The following GLIS3 variants were observed in gnomAD, a reference collection of about 807,000 sequenced individuals.
GLIS3 encodes the protein GLIS family zinc finger 3, also known as zinc finger protein GLIS3.
A neutral mutation model predicts 78.6 loss-of-function variants in GLIS3; 53 were observed. That is an observed-to-expected ratio of 0.67 (90% CI 0.54 to 0.85). The LOEUF is 0.85. GLIS3 is among the 40% of genes least tolerant of loss of function. GLIS3 has a pLI of 0.00. For missense variants in GLIS3, 1,703 were observed against 1,231.1 expected (o/e 1.38, Z -5.74); for synonymous variants, 684 against 509.9 (o/e 1.34, Z -4.60).
At chr9:4,191,020 G>T (rs1263731457) in intron 2 of GLIS3, among the ~76,000 whole-genome samples, 2 of 151,844 alleles carry the variant, frequency 1.3e-5, no homozygotes, top group African/African-American at 4.8e-5. Flanking sequence ...CCCTAAAAGA[G>T]CTCCTGAAGG....
chr9:3,863,163 A>G (rs750956730), intron 8 of GLIS3, among the ~76,000 whole-genome samples: 2 of 152,164 alleles, frequency 1.3e-5, no homozygotes, highest in Admixed American at 6.5e-5. Flanking sequence ...ATTTTAGCAG[A>G]CTTTAGTGGT....
the GLIS3 span, among the ~76,000 whole-genome samples, chr9:4,371,159 C>T: frequency 3.3e-5 from 5 of 152,186 alleles, no homozygotes; most frequent in East Asian, 5.8e-4. Context: ...TTTGGTCAGG[C>T]CTGGTTACTA....
chr9:4,407,263 C>G, the GLIS3 span, among the ~76,000 whole-genome samples: 11 of 152,196 alleles, frequency 7.2e-5, no homozygotes, highest in Non-Finnish European at 1.2e-4. Context: ...AAACTAGACC[C>G]TTATCTCTCA....
At chr9:4,139,103 A>G (rs917925664) in intron 2 of GLIS3, among the ~76,000 whole-genome samples, 1 of 152,196 alleles carries the variant, frequency 6.6e-6, no homozygotes, top group African/African-American at 2.4e-5. Flanking sequence ...TATTAAGAAA[A>G]CAAGTAAGAT....
chr9:3,943,714 G>A (rs1816097073), intron 4 of GLIS3, among the ~76,000 whole-genome samples: 1 of 152,142 alleles, frequency 6.6e-6, no homozygotes, highest in African/African-American at 2.4e-5. Context: ...GGGTTTAGCT[G>A]GGGCAGTAGG....
At chr9:4,416,324 T>C in the GLIS3 span, among the ~76,000 whole-genome samples, 3 of 150,538 alleles carry the variant, frequency 2.0e-5, no homozygotes, top group African/African-American at 4.9e-5. Flanking sequence ...ATTACAACTG[T>C]TCCATCACCT....
At chr9:4,330,701 A>G (rs1326515780) in intron 2 of GLIS3, among the ~76,000 whole-genome samples, 1 of 152,190 alleles carries the variant, frequency 6.6e-6, no homozygotes, top group Non-Finnish European at 1.5e-5. Flanking sequence ...TGAGATGGAG[A>G]TGAAGAGAGG....
At chr9:3,839,160 G>A (rs1420428090) in intron 9 of GLIS3, among the ~76,000 whole-genome samples, 2 of 152,204 alleles carry the variant, frequency 1.3e-5, no homozygotes, top group Non-Finnish European at 2.9e-5. Flanking sequence ...TTTAGACAAT[G>A]AGATGGAAGC....
intron 2 of GLIS3, among the ~76,000 whole-genome samples, chr9:4,190,611 G>A (rs1818244291): frequency 6.6e-6 from 1 of 151,328 alleles, no homozygotes; most frequent in Admixed American, 6.6e-5. Flanking sequence ...ACACTCTGCA[G>A]GATATTATCC....
intron 2 of GLIS3, among the ~76,000 whole-genome samples, chr9:4,196,536 C>G (rs1818868372): frequency 1.3e-5 from 2 of 152,174 alleles, no homozygotes; most frequent in South Asian, 2.1e-4. Flanking sequence ...CTGAGGCCAG[C>G]AAGACCACGA....
At chr9:4,338,574 C>T (rs4237153) in intron 2 of GLIS3, among the ~76,000 whole-genome samples, 148,209 of 152,230 alleles carry the variant, frequency 0.97, 72,258 homozygotes, top group Middle Eastern at 1. Flanking sequence ...GTGGCTACCA[C>T]TGAATTTCAA....
chr9:4,181,918 C>G (rs1563710898), intron 2 of GLIS3, among the ~76,000 whole-genome samples: 2 of 152,152 alleles, frequency 1.3e-5, no homozygotes, highest in Non-Finnish European at 2.9e-5. Context: ...TTAGCCCAGA[C>G]CATAAGAAGC....
rs377632012 is a variant in GLIS3 at position 4,153,094 on chromosome 9, A to T, written c.389-27153T>A. 2.6e-5 allele frequency among the ~76,000 whole-genome samples: 4 copies of T among 152,166 alleles called. No individual in the cohort carries two copies. The South Asian group carries it at 8.3e-4, about 31-fold the overall frequency. On this transcript the variant is annotated intron_variant, in intron 2 of 10. Transcript: ENST00000381971. ...GATGCCAGTAGCACCCCTCGTGGTG[A>T]CAACCAAAATTAAACTCTGTCTAGA...
At chr9:4,267,617 C>T (rs1162571417) in intron 2 of GLIS3, among the ~76,000 whole-genome samples, 1 of 152,204 alleles carries the variant, frequency 6.6e-6, no homozygotes, top group East Asian at 1.9e-4. Context: ...TCTTAGGAAA[C>T]TTTGCTAACT....
At chr9:3,936,213 T>C (rs1825890607) in intron 5 of GLIS3, among the ~76,000 whole-genome samples, 1 of 152,170 alleles carries the variant, frequency 6.6e-6, no homozygotes, top group South Asian at 2.1e-4. Flanking sequence ...ATGGCTTTGT[T>C]AAGCGCAGTG....
At chr9:3,999,216 T>G (rs888183240) in intron 4 of GLIS3, among the ~76,000 whole-genome samples, 1 of 152,186 alleles carries the variant, frequency 6.6e-6, no homozygotes, top group African/African-American at 2.4e-5. Flanking sequence ...TATGTTGCTG[T>G]TACAAAGACT....
intron 4 of GLIS3, among the ~76,000 whole-genome samples, chr9:3,987,784 A>AAAAAAAAAAAAAAAAAAAC (rs1554665966): frequency 1.4e-5 from 1 of 69,546 alleles, no homozygotes; most frequent in Non-Finnish European, 2.9e-5. Flanking sequence ...AAAAAAAAAA[A>AAAAAAAAAAAAAAAAAAAC]AAAACAAAAC....
At chr9:3,992,908 G>C (rs1207344059) in intron 4 of GLIS3, among the ~76,000 whole-genome samples, 1 of 152,158 alleles carries the variant, frequency 6.6e-6, no homozygotes, top group African/African-American at 2.4e-5. Context: ...GGTGTATGAA[G>C]ATTTTCCACT....
intron 4 of GLIS3, chr9:4,305,271 G>C (rs1193943431): frequency 6.6e-6 from 1 of 152,200 alleles, no homozygotes; most frequent in Non-Finnish European, 1.5e-5. Flanking sequence ...TGGTATGTTG[G>C]AAGAAGAGTG....
Sources: gnomAD v4.1 joint callset for allele counts (sites outside exome capture counted in the v4.1 genomes callset) on GRCh38, gnomAD v4.1.1 for gene constraint, MANE v1.5 for transcripts, NCBI Gene and HGNC (gene_info 2026-07-23, HGNC 2026-07-21) for gene names.